Variants in EXOC4 observed in about 807,000 individuals in gnomAD.
EXOC4 encodes SEC8-like 1.
A neutral mutation model predicts 107.2 loss-of-function variants in EXOC4; 71 were observed. The ratio of observed to expected loss-of-function variants is 0.66; its 90% CI spans 0.55 to 0.81. The LOEUF (loss-of-function observed/expected upper bound fraction) is 0.81, where lower values mean the gene tolerates loss of function less well. Ranked by LOEUF, EXOC4 falls within the 30% of genes least tolerant of loss-of-function variation. EXOC4 has a pLI of 0.00. For missense variants in EXOC4, 1,108 were observed against 1,189.6 expected (o/e 0.93, Z 1.01); for synonymous variants, 456 against 441.2 (o/e 1.03, Z -0.42).
chr7:133,338,570 G>A (rs1482203280), intron 5 of EXOC4, among the ~76,000 whole-genome samples: 23 of 117,194 alleles, frequency 2.0e-4, no homozygotes, highest in Admixed American at 8.4e-4. Flanking sequence ...TCCGCAGTCC[G>A]ACCTGGGCGC....
In EXOC4 at chr7:133,938,784, A is replaced by T. The variant is rs187475075; in HGVS notation, c.2206+715A>T. Among the ~76,000 whole-genome samples the T allele has an allele frequency of 6.6e-4, 100 of 152,332 alleles. 2 individuals carry two copies. The highest frequency in any genetic ancestry group is 3.4e-3 in the Middle Eastern group (1 of 294). On this transcript the variant is annotated intron_variant, in intron 14 of 17. Transcript: ENST00000253861. Reference sequence around the variant, plus strand: ...GAGACAAAGAAAACATGATATGAAGAAGGCATAAAGGAAAAGGCAGATTTA... The same window carrying T: ...GAGACAAAGAAAACATGATATGAAGTAGGCATAAAGGAAAAGGCAGATTTA...
At chr7:133,686,993 T>TTGTGTGTGTG (rs1027053373) in intron 10 of EXOC4, among the ~76,000 whole-genome samples, 7 of 7,604 alleles carry the variant, frequency 9.2e-4, no homozygotes, top group Admixed American at 1.5e-3. Flanking sequence ...ATAAAGAATT[T>TTGTGTGTGTG]TGTGTGTGTG....
chr7:133,874,192 C>G (rs927445936), intron 11 of EXOC4, among the ~76,000 whole-genome samples: 4 of 152,142 alleles, frequency 2.6e-5, no homozygotes, highest in Non-Finnish European at 5.9e-5. Context: ...GCAACTTGTT[C>G]AATATCTCAA....
intron 9 of EXOC4, among the ~76,000 whole-genome samples, chr7:133,488,142 TAG>T: frequency 6.6e-6 from 1 of 152,216 alleles, no homozygotes; most frequent in African/African-American, 2.4e-5. Context: ...GGAATACTAA[TAG>T]TATCAATAGA....
chr7:133,550,727 C>T (rs924116011), intron 9 of EXOC4, among the ~76,000 whole-genome samples: 4 of 152,150 alleles, frequency 2.6e-5, no homozygotes, highest in African/African-American at 9.7e-5. Flanking sequence ...CAAATGAGGG[C>T]ATGTTCCTAG....
At chr7:133,549,952 G>A (rs1227109613) in intron 9 of EXOC4, among the ~76,000 whole-genome samples, 1 of 152,068 alleles carries the variant, frequency 6.6e-6, no homozygotes. Context: ...ACATTTTTAA[G>A]TTTGAAATTT....
chr7:133,580,958 T>C (rs982702838), intron 9 of EXOC4, among the ~76,000 whole-genome samples: 2 of 152,226 alleles, frequency 1.3e-5, no homozygotes, highest in Non-Finnish European at 1.5e-5. Flanking sequence ...GGAGGAACTT[T>C]TCAGGAAGTA....
At chr7:133,805,970 A>G (rs1248383758) in intron 10 of EXOC4, among the ~76,000 whole-genome samples, 1 of 152,238 alleles carries the variant, frequency 6.6e-6, no homozygotes, top group African/African-American at 2.4e-5. Flanking sequence ...TGTGAGTGTT[A>G]CAAATGGAGG....
downstream of EXOC4, among the ~76,000 whole-genome samples, chr7:134,066,789 C>T (rs993828995): frequency 6.6e-6 from 1 of 152,006 alleles, no homozygotes; most frequent in Non-Finnish European, 1.5e-5. Context: ...ACAGGGCCCA[C>T]GAAACACATA....
Position 133,488,262 on chromosome 7 carries a change from A to G in EXOC4, c.1417+8124A>G, listed in dbSNP as rs772215246. On this transcript the variant is annotated intron_variant, in intron 9 of 17. Coordinates refer to ENST00000253861, the MANE Select transcript of EXOC4 (RefSeq NM_021807.4). ...AAATAAAACAGTAGATTTTAGTGCT[A>G]GAAAGTGCTTTAGAACTCATAGTCT... 5.9e-5 allele frequency among the ~76,000 whole-genome samples: 9 copies of G among 152,334 alleles called. No homozygotes were observed. The East Asian group carries it at 1.7e-3, about 29-fold the overall frequency.
At chr7:133,594,061 T>G (rs2150980851) in intron 9 of EXOC4, among the ~76,000 whole-genome samples, 1 of 152,374 alleles carries the variant, frequency 6.6e-6, no homozygotes, top group African/African-American at 2.4e-5. Context: ...GATAGTCATA[T>G]TGACCATTCT....
At chr7:134,080,312 G>A in the EXOC4 span, among the ~76,000 whole-genome samples, 5 of 152,342 alleles carry the variant, frequency 3.3e-5, no homozygotes, top group South Asian at 1.0e-3. Flanking sequence ...TCAGCTCCAT[G>A]CTTACTGAAG....
chr7:133,727,900 T>C (rs912913684), intron 10 of EXOC4, among the ~76,000 whole-genome samples: 8 of 152,264 alleles, frequency 5.3e-5, no homozygotes, highest in African/African-American at 1.9e-4. Context: ...TTAAATTATT[T>C]ACATTGAAAG....
intron 15 of EXOC4, among the ~76,000 whole-genome samples, chr7:134,002,956 A>G (rs938489311): frequency 6.6e-6 from 1 of 152,182 alleles, no homozygotes; most frequent in Non-Finnish European, 1.5e-5. Flanking sequence ...AGTGAGATCT[A>G]GCAATCTCAC....
At chr7:133,696,912 A>G (rs916307872) in intron 10 of EXOC4, among the ~76,000 whole-genome samples, 2 of 152,336 alleles carry the variant, frequency 1.3e-5, no homozygotes, top group Admixed American at 6.5e-5. Flanking sequence ...AAATGGCTCA[A>G]TTAGTCAATC....
intron 9 of EXOC4, among the ~76,000 whole-genome samples, chr7:133,550,575 CA>C (rs1800565808): frequency 6.6e-6 from 1 of 152,134 alleles, no homozygotes; most frequent in Non-Finnish European, 1.5e-5. Context: ...TTATTACCAC[CA>C]ACAGTATTAT....
chr7:133,456,405 T>C (rs1798464736), intron 7 of EXOC4, among the ~76,000 whole-genome samples: 1 of 152,200 alleles, frequency 6.6e-6, no homozygotes, highest in African/African-American at 2.4e-5. Context: ...TCGTAAACTT[T>C]GTTGCCTTTA....
intron 11 of EXOC4, among the ~76,000 whole-genome samples, chr7:133,842,132 A>G (rs1046199174): frequency 3.3e-5 from 5 of 152,184 alleles, no homozygotes; most frequent in African/African-American, 9.7e-5. Context: ...ATGTGTCTTT[A>G]TGTTAGAATG....
At chr7:133,583,456 G>A (rs2150969821) in intron 9 of EXOC4, among the ~76,000 whole-genome samples, 1 of 152,296 alleles carries the variant, frequency 6.6e-6, no homozygotes, top group East Asian at 1.9e-4. Context: ...GATGCTCTGG[G>A]AACATAGAAG....
Sources: allele counts gnomAD v4.1 joint callset (sites outside exome capture counted in the v4.1 genomes callset), GRCh38; gene constraint gnomAD v4.1.1; transcripts MANE v1.5; gene names NCBI Gene and HGNC (gene_info 2026-07-23, HGNC 2026-07-21).